Variants in NLRP13 observed in about 807,000 individuals in gnomAD.
The protein encoded by NLRP13 is NACHT, LRR and PYD domains-containing protein 13.
In NLRP13, 82 loss-of-function variants were observed where a neutral mutation model predicts 94.4. That is an observed-to-expected ratio of 0.87 (90% CI 0.73 to 1.04). The LOEUF (loss-of-function observed/expected upper bound fraction) is 1.04. NLRP13 is among the 50% of genes least tolerant of loss of function. The pLI, the probability that NLRP13 is intolerant of heterozygous loss-of-function variation, is 0.00. For missense variants in NLRP13, 1,426 were observed against 1,230.8 expected (o/e 1.16, Z -2.37); for synonymous variants, 553 against 464.7 (o/e 1.19, Z -2.45).
chr19:55,910,511 T>C, intron 6 of NLRP13, 52 bp downstream of exon 6: 6 of 1,468,604 alleles, frequency 4.1e-6, no homozygotes, highest in Non-Finnish European at 5.5e-6. Context: ...AAGAGAGAAG[T>C]TGGGAGATTC....
At chr19:55,910,209 A>C (rs1986463989) in intron 6 of NLRP13, among the ~76,000 whole-genome samples, 1 of 152,158 alleles carries the variant, frequency 6.6e-6, no homozygotes, top group Non-Finnish European at 1.5e-5. Context: ...TGCTTAAGAC[A>C]CGAAGCAGTC....
In NLRP13 at chr19:55,907,916, T is replaced by C. The variant is rs1443869574; in HGVS notation, c.2323A>G (p.Ile775Val). Residue 775 changes from isoleucine to valine, a missense_variant, in exon 7 of 11, where the codon ATT becomes GTT. Coordinates refer to ENST00000342929, the MANE Select transcript of NLRP13 (RefSeq NM_176810.2). Reference protein sequence around the residue: ...VTPEWVLQDLIIALQGNSKLT... With the variant: ...VTPEWVLQDLVIALQGNSKLT... ...TTGCTGTTACCCTGAAGGGCAATAATGAGGTCCTGCAGAACCCACTCAGGA... is the reference window on the plus strand; with the variant it reads ...TTGCTGTTACCCTGAAGGGCAATAACGAGGTCCTGCAGAACCCACTCAGGA... 2 of 1,612,742 alleles carry C rather than the reference T, an allele frequency of 1.2e-6. No homozygotes were observed. The highest frequency in any genetic ancestry group is 2.2e-5 in the East Asian group (1 of 44,800).
chr19:55,918,570 G>T (rs1986732676), intron 4 of NLRP13, among the ~76,000 whole-genome samples: 1 of 151,928 alleles, frequency 6.6e-6, no homozygotes, highest in Non-Finnish European at 1.5e-5. Context: ...CAGAAATACA[G>T]ATGATCAGAG....
intron 6 of NLRP13, among the ~76,000 whole-genome samples, chr19:55,910,180 A>G (rs569724639): frequency 1.3e-5 from 2 of 152,306 alleles, no homozygotes; most frequent in South Asian, 4.1e-4. Flanking sequence ...AGGAGTACCC[A>G]TCAAACACTA....
At chr19:55,913,996 C>T (rs1002964657) in intron 4 of NLRP13, among the ~76,000 whole-genome samples, 1 of 152,224 alleles carries the variant, frequency 6.6e-6, no homozygotes, top group African/African-American at 2.4e-5. Flanking sequence ...TCACAGAAGG[C>T]TGACCCGACT....
chr19:55,913,372 C>A lies in NLRP13; in HGVS notation c.524-79G>T. 4 of 1,440,922 alleles carry A rather than the reference C, an allele frequency of 2.8e-6. No individual in the cohort carries two copies. The Admixed American group carries it at 6.3e-5, about 23-fold the overall frequency. The allele number at this position is 1,440,922 out of a possible 1,614,324, so 89.3% of individuals were successfully genotyped here. A position where few individuals can be genotyped will look rare whatever the true frequency, so the allele number is the denominator to read the frequency against. ...AATGATTCAGTTACAAAGTTCCTAC[C>A]CCAAAGACTTGAATAAGAGAAACTC... On this transcript the variant is annotated intron_variant, in intron 4 of 10. Coordinates refer to ENST00000342929, the MANE Select transcript of NLRP13 (RefSeq NM_176810.2).
At chr19:55,896,191 T>G (rs1986004831) in intron 10 of NLRP13, 72 bp from the exon 11 acceptor site, 1 of 1,521,890 alleles carries the variant, frequency 6.6e-7, no homozygotes, top group Non-Finnish European at 9.0e-7. Flanking sequence ...AGATACCACA[T>G]CTGCAGGAAA....
At chr19:55,927,849 C>T (rs1490307910) in intron 1 of NLRP13, among the ~76,000 whole-genome samples, 1 of 152,082 alleles carries the variant, frequency 6.6e-6, no homozygotes, top group African/African-American at 2.4e-5. Flanking sequence ...TGGAACTAGC[C>T]TTTGAATCCA....
intron 9 of NLRP13, among the ~76,000 whole-genome samples, 169 bp downstream of exon 9, chr19:55,901,866 C>T (rs573726233): frequency 9.9e-5 from 15 of 152,242 alleles, no homozygotes; most frequent in Admixed American, 2.0e-4. Context: ...CACACATTCA[C>T]GGTCCTCCCA....
intron 1 of NLRP13, among the ~76,000 whole-genome samples, chr19:55,925,628 G>C (rs1454122268): frequency 6.6e-6 from 1 of 152,134 alleles, no homozygotes; most frequent in Non-Finnish European, 1.5e-5. Context: ...TCAATTTGCT[G>C]CACATCACCA....
intron 1 of NLRP13, among the ~76,000 whole-genome samples, chr19:55,927,259 T>C (rs1324731618): frequency 6.6e-6 from 1 of 150,900 alleles, no homozygotes; most frequent in Non-Finnish European, 1.5e-5. Flanking sequence ...CTCCCAGCTA[T>C]TTGGGAGGCT....
intron 1 of NLRP13, among the ~76,000 whole-genome samples, chr19:55,930,591 C>T (rs1047250625): frequency 1.4e-5 from 2 of 147,884 alleles, no homozygotes; most frequent in Non-Finnish European, 3.0e-5. Context: ...GAGGCTGAGG[C>T]AGGAGAATCC....
chr19:55,922,250 T>G (rs553020474), intron 4 of NLRP13, among the ~76,000 whole-genome samples: 1 of 152,148 alleles, frequency 6.6e-6, no homozygotes, highest in Admixed American at 6.5e-5. Context: ...AAGATGAGAT[T>G]TCGGTGGAGA....
chr19:55,909,306 A>C (rs1382358549), intron 6 of NLRP13, among the ~76,000 whole-genome samples: 1 of 152,220 alleles, frequency 6.6e-6, no homozygotes, highest in Non-Finnish European at 1.5e-5. Context: ...GCAGGGGACC[A>C]ATACGCTTTA....
chr19:55,924,744 T>C (rs1206119340), intron 2 of NLRP13, 86 bp from the exon 3 acceptor site: 1 of 1,183,460 alleles, frequency 8.4e-7, no homozygotes, highest in Non-Finnish European at 1.3e-6. Flanking sequence ...TAGAACCAAC[T>C]TTTTCTATGG....
chr19:55,911,580 G>T, intron 5 of NLRP13, 126 bp downstream of exon 5: 1 of 882,420 alleles, frequency 1.1e-6, no homozygotes. Flanking sequence ...AGCTGCTCCA[G>T]ACCATTTGGT....
intron 8 of NLRP13, among the ~76,000 whole-genome samples, chr19:55,904,141 G>A (rs909874106): frequency 2.0e-5 from 3 of 152,178 alleles, no homozygotes; most frequent in Non-Finnish European, 4.4e-5. Context: ...CATCCGGGCT[G>A]GAGTGTAGTG....
chr19:55,913,310 G>C lies in NLRP13; in HGVS notation c.524-17C>G, dbSNP rs370950564. On this transcript the variant is annotated splice_polypyrimidine_tract_variant and intron_variant, in intron 4 of 10. Coordinates refer to ENST00000342929, the MANE Select transcript of NLRP13 (RefSeq NM_176810.2). ...TTCTGTGGTCTAGAGAGGGCGGAGT[G>C]GGGAGAAGAATGGTAAGAATAAATT... is the stretch of plus-strand genomic sequence containing the variant. 93 of 1,601,736 alleles carry C rather than the reference G, an allele frequency of 5.8e-5. No homozygotes were observed. In the Middle Eastern group the frequency reaches 1.0e-3, roughly 17 times the overall value.
intron 7 of NLRP13, among the ~76,000 whole-genome samples, chr19:55,907,223 G>A (rs935659167): frequency 1.3e-5 from 2 of 152,050 alleles, no homozygotes; most frequent in African/African-American, 4.8e-5. Context: ...CACCCAAAGT[G>A]CCGGGATTAC....
Sources: allele counts gnomAD v4.1 joint callset (sites outside exome capture counted in the v4.1 genomes callset), GRCh38; gene constraint gnomAD v4.1.1; transcripts MANE v1.5; gene names NCBI Gene and HGNC (gene_info 2026-07-23, HGNC 2026-07-21).